DNAH3: variants seen among roughly 807,000 people sequenced by gnomAD.
DNAH3 encodes axonemal beta dynein heavy chain 3.
Under a neutral mutation model 432.5 loss-of-function variants are expected in DNAH3, and 332 were observed. That is an observed-to-expected ratio of 0.77 (90% CI 0.70 to 0.84). The LOEUF (loss-of-function observed/expected upper bound fraction) is 0.84, where lower values mean the gene tolerates loss of function less well. Ranked by LOEUF, DNAH3 falls within the 40% of genes least tolerant of loss-of-function variation. The pLI is 0.00. For missense variants in DNAH3, 4,861 were observed against 5,114.0 expected, an observed-to-expected ratio of 0.95 and a Z score of 1.51; for synonymous variants, 1,956 against 1,900.2, an observed-to-expected ratio of 1.03 and a Z score of -0.76.
At chr16:20,936,793 G>T (rs749260515) in exon 60 of DNAH3, 1 of 1,613,656 alleles carries the variant, frequency 6.2e-7, no homozygotes, top group Non-Finnish European at 8.5e-7. Context: ...AGGACATCAG[G>T]ACCTGTCCTT....
chr16:20,969,652 G>C, intron 52 of DNAH3, 140 bp downstream of exon 52: 1 of 970,134 alleles, frequency 1.0e-6, no homozygotes, highest in Non-Finnish European at 1.6e-6. Flanking sequence ...CACACACACA[G>C]CCTGGTTCCT....
At chr16:21,133,361 C>CAA (rs34385925) in intron 7 of DNAH3, among the ~76,000 whole-genome samples, 4,114 of 69,972 alleles carry the variant, frequency 0.059, 140 homozygotes, top group East Asian at 0.22. Context: ...AGATTCGTCT[C>CAA]AAAAAAAAAA....
chr16:21,150,314 A>G (rs1597498609), intron 1 of DNAH3: 2 of 455,796 alleles, frequency 4.4e-6, no homozygotes, highest in Non-Finnish European at 8.8e-6. Flanking sequence ...AATCCATGTC[A>G]CCCATGGTGT....
chr16:20,965,052 T>C (rs1418946233), exon 53 of DNAH3: 19 of 1,614,176 alleles, frequency 1.2e-5, no homozygotes, highest in Non-Finnish European at 1.4e-5. Context: ...TGTTCATCTC[T>C]TCAAAGTCGT....
chr16:20,944,701 C>A, intron 57 of DNAH3, 38 bp from the exon 58 acceptor site: 2 of 1,607,542 alleles, frequency 1.2e-6, no homozygotes, highest in Non-Finnish European at 1.7e-6. Flanking sequence ...AACGAGGGAC[C>A]CCAGAATCCC....
chr16:20,946,448 A>G (rs2084047512), intron 57 of DNAH3, among the ~76,000 whole-genome samples: 1 of 152,058 alleles, frequency 6.6e-6, no homozygotes, highest in Admixed American at 6.5e-5. Context: ...AGCCCTGACC[A>G]CCTGGGGCAC....
In DNAH3 at chr16:21,037,994, G is replaced by C; in HGVS notation, c.4731-14C>G. On this transcript the variant is annotated splice_polypyrimidine_tract_variant and intron_variant, in intron 33 of 61. Coordinates refer to ENST00000261383, the Ensembl canonical transcript of DNAH3. ...TTCTGGGCGAGACTAGAAGGGCAAA[G>C]ACATGTATGCGGACACCCAGAGAGG... 1.2e-6 allele frequency: 2 copies of C among 1,612,086 alleles called. No homozygotes were observed.
At chr16:21,085,076 C>T (rs2091319330) in intron 19 of DNAH3, among the ~76,000 whole-genome samples, 3 of 151,868 alleles carry the variant, frequency 2.0e-5, no homozygotes, top group East Asian at 2.0e-4. Context: ...TCTGCTGGGG[C>T]GTTTCAAAAC....
chr16:21,122,508 C>A (rs1042486219), intron 9 of DNAH3, among the ~76,000 whole-genome samples: 3 of 152,086 alleles, frequency 2.0e-5, no homozygotes, highest in Non-Finnish European at 4.4e-5. Flanking sequence ...AGTGAGATCA[C>A]GCCGTTACAC....
intron 39 of DNAH3, among the ~76,000 whole-genome samples, chr16:21,024,111 G>T (rs1156538567): frequency 6.6e-6 from 1 of 152,178 alleles, no homozygotes; most frequent in Non-Finnish European, 1.5e-5. Flanking sequence ...AAGGGAAGAA[G>T]GGAGTGGTCG....
intron 18 of DNAH3, among the ~76,000 whole-genome samples, chr16:21,094,315 T>C (rs148685904): frequency 3.3e-5 from 5 of 152,106 alleles, no homozygotes; most frequent in East Asian, 3.8e-4. Context: ...TCATTAGGCA[T>C]TGGGGAAATG....
exon 22 of DNAH3, chr16:21,070,767 T>G: frequency 1.2e-6 from 2 of 1,613,774 alleles, no homozygotes; most frequent in Non-Finnish European, 1.7e-6. Flanking sequence ...TCTGGGTCTT[T>G]ATCACGTGAT....
At chr16:21,060,275 C>T in exon 26 of DNAH3, 2 of 1,613,912 alleles carry the variant, frequency 1.2e-6, no homozygotes, top group South Asian at 1.1e-5. Flanking sequence ...TTGACATATG[C>T]TTCAATCCCA....
chr16:20,963,173 TG>T, intron 53 of DNAH3, 110 bp downstream of exon 53: 1 of 1,063,270 alleles, frequency 9.4e-7, no homozygotes, highest in Non-Finnish European at 1.4e-6. Flanking sequence ...ATGAACCACC[TG>T]GCCTTCAAAG....
At chr16:21,157,095 T>C (rs1177785766) in intron 1 of DNAH3, among the ~76,000 whole-genome samples, 3 of 151,998 alleles carry the variant, frequency 2.0e-5, no homozygotes, top group African/African-American at 7.3e-5. Context: ...CAAGATTGGC[T>C]AAAACTTAAG....
In DNAH3 at chr16:21,082,168, C is replaced by T. The variant is rs72780853; in HGVS notation, c.2878-441G>A. ...TCCCACCATAGCCTCCCAAAGTAGT[C>T]ACATTACAGGAGTGAGCCGCCACAC... On this transcript the variant is annotated intron_variant, in intron 19 of 61. Transcript: ENST00000261383. Among the ~76,000 whole-genome samples the T allele has an allele frequency of 6.0e-3, 920 of 152,112 alleles. 5 individuals carry two copies. Among genetic ancestry groups the T allele is most frequent in the Admixed American group, 0.019 (292 of 15,264 alleles).
intron 13 of DNAH3, 78 bp from the exon 14 acceptor site, chr16:21,111,882 A>C: frequency 6.4e-7 from 1 of 1,569,782 alleles, no homozygotes; most frequent in Non-Finnish European, 8.7e-7. Flanking sequence ...CCCCTGGCCA[A>C]CCCTAGTCCA....
chr16:21,025,204 C>T (rs1350263435), intron 38 of DNAH3, among the ~76,000 whole-genome samples: 2 of 151,858 alleles, frequency 1.3e-5, no homozygotes, highest in East Asian at 1.9e-4. Context: ...CCTCCCAAAG[C>T]GCTGGGATTA....
chr16:21,110,578 CTT>C (rs2092047172), intron 14 of DNAH3, among the ~76,000 whole-genome samples: 1 of 152,190 alleles, frequency 6.6e-6, no homozygotes, highest in South Asian at 2.1e-4. Context: ...AAACCCTAAA[CTT>C]TTCAACATGT....
Sources: gnomAD v4.1 joint callset for allele counts (sites outside exome capture counted in the v4.1 genomes callset) on GRCh38, gnomAD v4.1.1 for gene constraint, MANE v1.5 for transcripts, NCBI Gene and HGNC (gene_info 2026-07-23, HGNC 2026-07-21) for gene names.